SCAPER: variants seen among roughly 807,000 people sequenced by gnomAD.
SCAPER encodes the protein S phase cyclin A-associated protein in the endoplasmic reticulum.
SCAPER carries 98 observed loss-of-function variants against 182.2 expected under a neutral mutation model. That is an observed-to-expected ratio of 0.54 (90% CI 0.46 to 0.64). SCAPER has a LOEUF of 0.64. Ranked by LOEUF, SCAPER falls within the 30% of genes least tolerant of loss-of-function variation. The pLI, the probability that SCAPER is intolerant of heterozygous loss-of-function variation, is 0.00. For missense variants in SCAPER, 1,432 were observed against 1,690.0 expected (o/e 0.85, Z 2.68); for synonymous variants, 605 against 564.6 (o/e 1.07, Z -1.01).
intron 21 of SCAPER, among the ~76,000 whole-genome samples, chr15:76,654,140 C>T (rs2055406440): frequency 6.6e-6 from 1 of 152,098 alleles, no homozygotes; most frequent in African/African-American, 2.4e-5. Flanking sequence ...CAAATCAAAA[C>T]CACAATGAGC....
At chr15:76,447,856 C>T (rs772200091) in intron 25 of SCAPER, among the ~76,000 whole-genome samples, 7 of 152,106 alleles carry the variant, frequency 4.6e-5, no homozygotes, top group East Asian at 1.9e-4. Context: ...AAATGTAATT[C>T]GAATTCCAGG....
intron 29 of SCAPER, among the ~76,000 whole-genome samples, chr15:76,364,737 T>C (rs949208291): frequency 1.3e-5 from 2 of 152,048 alleles, no homozygotes; most frequent in African/African-American, 4.8e-5. Flanking sequence ...AGTCTGATGC[T>C]CACCTACCAT....
In SCAPER at chr15:76,481,573, T is replaced by C. The variant is rs560203396; in HGVS notation, c.2955-10238A>G. ...ACAGATACAGAAAATTACACAAAAA[T>C]ATAGCTTAGTTAGTTGTTATAAGGA... On this transcript the variant is annotated intron_variant, in intron 24 of 31. Coordinates refer to ENST00000563290, the MANE Select transcript of SCAPER (RefSeq NM_020843.4). 6.6e-5 allele frequency among the ~76,000 whole-genome samples: 10 copies of C among 152,258 alleles called. No homozygotes were observed. The South Asian group carries it at 2.1e-3, about 32-fold the overall frequency.
chr15:76,747,394 C>CA (rs201922980), intron 15 of SCAPER, among the ~76,000 whole-genome samples: 2,642 of 152,094 alleles, frequency 0.017, 36 homozygotes, highest in Non-Finnish European at 0.026. Context: ...CCCAGCTACT[C>CA]AGGAGGCTGA....
chr15:76,354,125 C>A lies in SCAPER; in HGVS notation c.3871G>T (p.Gly1291Cys). The A allele has an allele frequency of 6.2e-7, 1 of 1,603,994 alleles. No homozygotes were observed. The highest frequency in any genetic ancestry group is 8.5e-7 in the Non-Finnish European group (1 of 1,176,782). ...HPDNQVIVQS[G>C]RHPTVLQKLC... ...TTCTGCAGCACTGTGGGGTGGCGGCCGGACTGCACGATCACCTGAAATGGA... is the reference window on the plus strand; with the variant it reads ...TTCTGCAGCACTGTGGGGTGGCGGCAGGACTGCACGATCACCTGAAATGGA... The change falls in exon 30 of 32, where the codon GGC (glycine) becomes TGC (cysteine). Residue 1291 changes from glycine (G) to cysteine (C), a missense_variant. Physicochemically the swap from Gly to Cys is radical, Grantham distance 159. Transcript: ENST00000563290. The surrounding 1 kb of genome is among the most constrained non-coding windows in gnomAD (Gnocchi z 4.4).
intron 8 of SCAPER, among the ~76,000 whole-genome samples, chr15:76,783,882 T>A (rs1486732895): frequency 6.6e-6 from 1 of 152,212 alleles, no homozygotes; most frequent in Non-Finnish European, 1.5e-5. Flanking sequence ...ATGGGATGTA[T>A]CTCAAAATAA....
intron 15 of SCAPER, among the ~76,000 whole-genome samples, chr15:76,739,601 A>T (rs2061445127): frequency 6.6e-6 from 1 of 152,230 alleles, no homozygotes; most frequent in African/African-American, 2.4e-5. Flanking sequence ...GGACATAACT[A>T]TACAAGATTT....
At chr15:76,703,474 C>T (rs1567851500) in intron 18 of SCAPER, among the ~76,000 whole-genome samples, 1 of 152,130 alleles carries the variant, frequency 6.6e-6, no homozygotes, top group Non-Finnish European at 1.5e-5. Flanking sequence ...CAGGCAAGGC[C>T]CATCATGACC....
rs1337670943 is a variant in SCAPER at position 76,471,208 on chromosome 15, A to G, written c.3078+4T>C. ...TTCTAACTCAAAGCAATAATATTAC[A>G]TACCGTCAACTGGTGTATCAGGAGG... On this transcript the variant is annotated splice_donor_region_variant and intron_variant, in intron 25 of 31. Transcript: ENST00000563290. 2.5e-6 allele frequency: 4 copies of G among 1,601,536 alleles called. No homozygotes were observed. Among genetic ancestry groups the G allele is most frequent in the Non-Finnish European group, 3.4e-6 (4 of 1,175,144 alleles).
In SCAPER at chr15:76,351,302, GAA is replaced by G; in HGVS notation, c.4048-16_4048-15del. 2 of 1,603,024 alleles carry G rather than the reference GAA, an allele frequency of 1.2e-6. No homozygotes were observed. Among genetic ancestry groups the G allele is most frequent in the Non-Finnish European group, 1.7e-6 (2 of 1,174,724 alleles). ...CTGTGCCAAATCCTGTATGAGGAGAGAAAAGTGTTTTTCTATCAATGCTATGA... is the reference window on the plus strand; with the variant it reads ...CTGTGCCAAATCCTGTATGAGGAGAGAAGTGTTTTTCTATCAATGCTATGA... On this transcript the variant is annotated splice_polypyrimidine_tract_variant and intron_variant, in intron 30 of 31. Coordinates refer to ENST00000563290, the MANE Select transcript of SCAPER (RefSeq NM_020843.4).
chr15:76,848,539 T>C (rs1459822275), intron 4 of SCAPER, among the ~76,000 whole-genome samples: 3 of 149,618 alleles, frequency 2.0e-5, no homozygotes, highest in Non-Finnish European at 4.4e-5. Flanking sequence ...TTTCACCGTG[T>C]TAGCCAGGAT....
intron 2 of SCAPER, among the ~76,000 whole-genome samples, chr15:76,873,823 T>C (rs1392523119): frequency 2.0e-5 from 3 of 152,134 alleles, no homozygotes; most frequent in Non-Finnish European, 4.4e-5. Context: ...TTTCAAAGTA[T>C]AGAAAGTAAA....
chr15:76,829,368 C>T (rs1376454982), intron 5 of SCAPER, among the ~76,000 whole-genome samples: 1 of 152,080 alleles, frequency 6.6e-6, no homozygotes, highest in Non-Finnish European at 1.5e-5. Flanking sequence ...CAAGGAGATT[C>T]AGAAAACTAG....
At chr15:76,853,630 A>G (rs1274258736) in intron 4 of SCAPER, among the ~76,000 whole-genome samples, 1 of 152,262 alleles carries the variant, frequency 6.6e-6, no homozygotes, top group Non-Finnish European at 1.5e-5. Flanking sequence ...TTCACGTTAA[A>G]AACTCTCAAT....
chr15:76,411,334 C>T (rs923459928), intron 26 of SCAPER, among the ~76,000 whole-genome samples: 1 of 152,050 alleles, frequency 6.6e-6, no homozygotes, highest in African/African-American at 2.4e-5. Flanking sequence ...CAACATGATG[C>T]TCAAGAGAAA....
chr15:76,440,861 G>A (rs1435459978), intron 25 of SCAPER, among the ~76,000 whole-genome samples: 1 of 149,562 alleles, frequency 6.7e-6, no homozygotes, highest in Non-Finnish European at 1.5e-5. Flanking sequence ...ACATAGAAGT[G>A]GCTAGTAGTT....
intron 29 of SCAPER, among the ~76,000 whole-genome samples, chr15:76,358,322 G>A (rs550532095): frequency 6.6e-6 from 1 of 152,312 alleles, no homozygotes; most frequent in South Asian, 2.1e-4. Flanking sequence ...AGAGGCTAGT[G>A]GACACCTGGA....
At chr15:76,542,153 A>C (rs552320034) in intron 23 of SCAPER, among the ~76,000 whole-genome samples, 33 of 152,308 alleles carry the variant, frequency 2.2e-4, no homozygotes, top group Non-Finnish European at 4.3e-4. Flanking sequence ...AATTCAATCT[A>C]CTTCTCATAT....
At chr15:76,839,345 C>A (rs1257564381) in intron 5 of SCAPER, among the ~76,000 whole-genome samples, 1 of 152,012 alleles carries the variant, frequency 6.6e-6, no homozygotes, top group East Asian at 1.9e-4. Context: ...TGGCTGAATC[C>A]ACGTACAAAA....
Sources: gnomAD v4.1 joint callset for allele counts (sites outside exome capture counted in the v4.1 genomes callset) on GRCh38, gnomAD v4.1.1 for gene constraint, Gnocchi (gnomAD v3.1) non-coding constraint, MANE v1.5 for transcripts, NCBI Gene and HGNC (gene_info 2026-07-23, HGNC 2026-07-21) for gene names.